MAGI2: variants seen among roughly 807,000 people sequenced by gnomAD.
MAGI2 encodes membrane-associated guanylate kinase, WW and PDZ domain-containing protein 2.
MAGI2 carries 35 observed loss-of-function variants against 133.3 expected under a neutral mutation model. The ratio of observed to expected loss-of-function variants is 0.26; its 90% CI spans 0.20 to 0.35. MAGI2 has a LOEUF of 0.35. MAGI2 is among the 10% of genes least tolerant of loss of function. The probability of loss-of-function intolerance (pLI) is 1.00; values close to 1 mark genes in which losing one functional copy is unlikely to be tolerated. For synonymous variants in MAGI2, 729 were observed against 710.6 expected, an observed-to-expected ratio of 1.03 and a Z score of -0.41; for missense variants, 1,636 against 1,863.4, an observed-to-expected ratio of 0.88 and a Z score of 2.25.
intron 2 of MAGI2, among the ~76,000 whole-genome samples, chr7:78,789,530 T>G (rs201791222): frequency 1.3e-3 from 86 of 64,990 alleles, no homozygotes; most frequent in African/African-American, 4.0e-3. Flanking sequence ...CTCATTTTTA[T>G]TTTTTTCTTT....
chr7:78,334,954 C>A (rs1353366320), intron 9 of MAGI2, among the ~76,000 whole-genome samples: 2 of 152,098 alleles, frequency 1.3e-5, no homozygotes, highest in African/African-American at 4.8e-5. Flanking sequence ...CAGGAGCTGG[C>A]AAACTAAGAC....
intron 2 of MAGI2, among the ~76,000 whole-genome samples, chr7:78,922,904 A>G (rs1799373720): frequency 6.6e-6 from 1 of 151,546 alleles, no homozygotes; most frequent in African/African-American, 2.4e-5. Context: ...GTGAGATGGT[A>G]TCTCATTGTG....
chr7:79,294,904 T>TA (rs1191165847), intron 1 of MAGI2, among the ~76,000 whole-genome samples: 3 of 150,550 alleles, frequency 2.0e-5, no homozygotes, highest in African/African-American at 7.3e-5. Context: ...TAAATTTTTG[T>TA]ACTTTTTTTT....
At chr7:79,398,381 T>C (rs1845210307) in intron 1 of MAGI2, among the ~76,000 whole-genome samples, 1 of 152,254 alleles carries the variant, frequency 6.6e-6, no homozygotes. Context: ...TTTTGGATTT[T>C]ACTGGCTGAA....
chr7:78,412,767 A>T (rs1797980577), intron 6 of MAGI2, among the ~76,000 whole-genome samples: 1 of 152,070 alleles, frequency 6.6e-6, no homozygotes, highest in Non-Finnish European at 1.5e-5. Flanking sequence ...TACCTGAGGG[A>T]GAAAATACTG....
chr7:79,089,943 GTAAGGTATA>G (rs1816902765), intron 1 of MAGI2, among the ~76,000 whole-genome samples: 1 of 151,864 alleles, frequency 6.6e-6, no homozygotes, highest in African/African-American at 2.4e-5. Context: ...GTATACCTAT[GTAAGGTATA>G]CCTATACATG....
rs3951806 is a variant in MAGI2, at chr7:78,292,203, C to T, written c.1409-35622G>A. On this transcript the variant is annotated intron_variant, in intron 9 of 21. Transcript: ENST00000354212. ...AAAACCCCATTGTCTCAGCCCAAAACCTCCTTAAGCTGATAAGCAACTTCA... is the reference window on the plus strand; with the variant it reads ...AAAACCCCATTGTCTCAGCCCAAAATCTCCTTAAGCTGATAAGCAACTTCA... Among the ~76,000 whole-genome samples the T allele has an allele frequency of 8.5e-5, 13 of 152,194 alleles. No homozygotes were observed. In the East Asian group the frequency reaches 1.2e-3, roughly 14 times the overall value.
chr7:78,997,337 C>T (rs977754606), intron 2 of MAGI2, among the ~76,000 whole-genome samples: 7 of 152,260 alleles, frequency 4.6e-5, no homozygotes, highest in Non-Finnish European at 7.4e-5. Context: ...GGCATGGTGG[C>T]TCATGCTTGT....
intron 1 of MAGI2, among the ~76,000 whole-genome samples, chr7:79,102,448 C>T (rs1818064531): frequency 1.3e-5 from 2 of 152,180 alleles, no homozygotes; most frequent in African/African-American, 4.8e-5. Flanking sequence ...CCATCTCTTT[C>T]TTACCAAAAT....
At chr7:78,891,256 A>AC (rs1240040021) in intron 2 of MAGI2, among the ~76,000 whole-genome samples, 1 of 152,192 alleles carries the variant, frequency 6.6e-6, no homozygotes, top group East Asian at 1.9e-4. Context: ...AACCAAAAAA[A>AC]GTTCAGGACC....
At chr7:78,141,015 G>C (rs577948060) in intron 16 of MAGI2, among the ~76,000 whole-genome samples, 1 of 152,132 alleles carries the variant, frequency 6.6e-6, no homozygotes, top group Non-Finnish European at 1.5e-5. Context: ...GGTGAGGAAC[G>C]GGAAGGTCAT....
intron 1 of MAGI2, among the ~76,000 whole-genome samples, chr7:79,255,789 T>G (rs145010193): frequency 6.6e-5 from 10 of 152,086 alleles, no homozygotes; most frequent in African/African-American, 2.4e-4. Flanking sequence ...AGGTTATAAT[T>G]TTAGACAATT....
chr7:78,390,313 G>A (rs1795783309), intron 6 of MAGI2, among the ~76,000 whole-genome samples: 1 of 152,106 alleles, frequency 6.6e-6, no homozygotes, highest in African/African-American at 2.4e-5. Flanking sequence ...GATATTATTT[G>A]GTTTGTTTCC....
intron 2 of MAGI2, among the ~76,000 whole-genome samples, chr7:78,649,114 C>G (rs17382188): frequency 0.021 from 3,103 of 150,542 alleles, 42 homozygotes; most frequent in Non-Finnish European, 0.032. Flanking sequence ...CTTGTTAAAC[C>G]GCATGTCTGT....
chr7:79,008,695 A>G (rs1487868222), intron 1 of MAGI2: 1 of 152,168 alleles, frequency 6.6e-6, no homozygotes, highest in African/African-American at 2.4e-5. Flanking sequence ...TTCTCAGCCA[A>G]AGAAGCAGAG....
At chr7:78,037,543 T>A (rs1206041911) in intron 21 of MAGI2, among the ~76,000 whole-genome samples, 1 of 152,192 alleles carries the variant, frequency 6.6e-6, no homozygotes, top group East Asian at 1.9e-4. Context: ...GGCTCATATA[T>A]AATGGCCGAT....
At chr7:78,619,491 T>C in intron 3 of MAGI2, among the ~76,000 whole-genome samples, 1 of 151,944 alleles carries the variant, frequency 6.6e-6, no homozygotes, top group East Asian at 1.9e-4. Context: ...TCTGTGATAT[T>C]AGTCTTTAAG....
rs532361928 is a variant in MAGI2, at chr7:79,341,686, C to A, written c.301+111334G>T. On this transcript the variant is annotated intron_variant, in intron 1 of 21. Transcript: ENST00000354212. ...CCAATAGAGGCTAGTTCATGAAGAC[C>A]AGGATGGGGATCCTATAACAAACTG... 2.0e-5 allele frequency among the ~76,000 whole-genome samples: 3 copies of A among 152,248 alleles called. No individual in the cohort carries two copies. In the South Asian group the frequency reaches 6.2e-4, roughly 32 times the overall value.
chr7:78,948,127 C>G (rs922676524), intron 2 of MAGI2, among the ~76,000 whole-genome samples: 7 of 151,958 alleles, frequency 4.6e-5, no homozygotes, highest in Non-Finnish European at 2.9e-5. Context: ...GGTACTAAAC[C>G]AAATGTTCAT....
Sources: allele counts gnomAD v4.1 joint callset (sites outside exome capture counted in the v4.1 genomes callset), GRCh38; gene constraint gnomAD v4.1.1; transcripts MANE v1.5; gene names NCBI Gene and HGNC (gene_info 2026-07-23, HGNC 2026-07-21).